Variants in CTNNA2 observed in about 807,000 individuals in gnomAD.
The protein encoded by CTNNA2 is catenin alpha 2, also known as catenin alpha-2.
In CTNNA2, 42 loss-of-function variants were observed where a neutral mutation model predicts 101.0. The ratio of observed to expected loss-of-function variants is 0.42; its 90% CI spans 0.32 to 0.54. The LOEUF is 0.54. CTNNA2 is among the 20% of genes least tolerant of loss of function. CTNNA2 has a pLI of 0.14. For synonymous variants in CTNNA2, 450 were observed against 456.4 expected (o/e 0.99, Z 0.18); for missense variants, 871 against 1,223.1 (o/e 0.71, Z 4.29).
chr2:80,294,688 C>G (rs951160175), intron 7 of CTNNA2, among the ~76,000 whole-genome samples: 2 of 152,044 alleles, frequency 1.3e-5, no homozygotes, highest in Non-Finnish European at 2.9e-5. Context: ...GGCCACACCC[C>G]AGACCAGTTA....
intron 1 of CTNNA2, among the ~76,000 whole-genome samples, chr2:79,572,851 A>G (rs1675545422): frequency 6.6e-6 from 1 of 152,210 alleles, no homozygotes; most frequent in African/African-American, 2.4e-5. Context: ...AAATAGAGTG[A>G]CATTTATTCT....
At chr2:80,351,276 A>G (rs1178768019) in intron 7 of CTNNA2, among the ~76,000 whole-genome samples, 1 of 152,086 alleles carries the variant, frequency 6.6e-6, no homozygotes, top group Non-Finnish European at 1.5e-5. Context: ...GGCTTTTTGA[A>G]CTAGGAAGCA....
intron 2 of CTNNA2, among the ~76,000 whole-genome samples, chr2:79,672,678 A>G (rs1682920023): frequency 6.6e-6 from 1 of 151,778 alleles, no homozygotes; most frequent in African/African-American, 2.4e-5. Context: ...ATTTTTTCCT[A>G]ATATTTTCCG....
intron 9 of CTNNA2, among the ~76,000 whole-genome samples, chr2:80,508,572 T>C (rs997849228): frequency 6.6e-6 from 1 of 151,954 alleles, no homozygotes; most frequent in Non-Finnish European, 1.5e-5. Context: ...ACATATGGAC[T>C]CTCTCTAGTC....
chr2:80,601,421 C>CTTTTTTTTTTTTTTTTTTTTTTTTTTTT (rs56921519), intron 15 of CTNNA2, among the ~76,000 whole-genome samples: 12 of 84,404 alleles, frequency 1.4e-4, no homozygotes, highest in African/African-American at 5.2e-4. Context: ...TTCTTTCTTT[C>CTTTTTTTTTTTTTTTTTTTTTTTTTTTT]TTTTTTTTTT....
At chr2:80,083,961 T>G (rs1699299609) in intron 7 of CTNNA2, among the ~76,000 whole-genome samples, 1 of 151,936 alleles carries the variant, frequency 6.6e-6, no homozygotes, top group Non-Finnish European at 1.5e-5. Flanking sequence ...AGAGAGGTAA[T>G]GTATCTTGAT....
chr2:79,395,185 C>T (rs1191600267), intron 4 of CTNNA2, among the ~76,000 whole-genome samples: 1 of 152,070 alleles, frequency 6.6e-6, no homozygotes, highest in Non-Finnish European at 1.5e-5. Context: ...ACTATTTTGT[C>T]TCTAAGTCAC....
chr2:80,228,384 T>G (rs13404829), intron 7 of CTNNA2, among the ~76,000 whole-genome samples: 1 of 151,924 alleles, frequency 6.6e-6, no homozygotes, highest in South Asian at 2.1e-4. Flanking sequence ...TCAGGCCTCT[T>G]TTACATGGGC....
At chr2:80,009,798 A>G (rs1693645202) in intron 7 of CTNNA2, among the ~76,000 whole-genome samples, 1 of 151,944 alleles carries the variant, frequency 6.6e-6, no homozygotes, top group African/African-American at 2.4e-5. Flanking sequence ...ATACACTCTC[A>G]TCTAAGATTA....
chr2:80,418,740 G>T (rs576125625), intron 8 of CTNNA2, among the ~76,000 whole-genome samples: 1 of 152,082 alleles, frequency 6.6e-6, no homozygotes, highest in Non-Finnish European at 1.5e-5. Flanking sequence ...GAACAAAACA[G>T]CACCAAGGTA....
At chr2:80,566,419 G>T (rs1236770984) in intron 12 of CTNNA2, among the ~76,000 whole-genome samples, 1 of 152,142 alleles carries the variant, frequency 6.6e-6, no homozygotes, top group Non-Finnish European at 1.5e-5. Flanking sequence ...CCTCTCAGAG[G>T]CATCTGTCAC....
chr2:79,923,218 T>C (rs557211356), intron 7 of CTNNA2, among the ~76,000 whole-genome samples: 1 of 152,248 alleles, frequency 6.6e-6, no homozygotes, highest in Admixed American at 6.5e-5. Flanking sequence ...CTTCAGTATC[T>C]AGTTGGAGAC....
Position 79,909,654 on chromosome 2 carries a change from G to T in CTNNA2, c.913G>T (p.Glu305Ter), listed in dbSNP as rs1386017500. 6.2e-7 allele frequency: 1 copy of T among 1,613,592 alleles called. No homozygotes were observed. Among genetic ancestry groups the T allele is most frequent in the Admixed American group, 1.7e-5 (1 of 60,008 alleles). Residue 305 changes from glutamate to a stop codon, truncating the protein, a stop_gained, in exon 7 of 19, where the codon GAG (glutamate) becomes TAG (stop). Coordinates refer to ENST00000402739, the MANE Select transcript of CTNNA2 (RefSeq NM_001282597.3). LOFTEE classifies it high-confidence loss of function. Reference protein sequence around the residue: ...SEARFRPSLEERLESIISGAA... With the variant: ...SEARFRPSLE ...GGCCAGGTTCCGGCCGTCCCTGGAG[G>T]AGAGGCTGGAGAGCATCATCAGCGG...
At chr2:80,037,863 T>C (rs1289263769) in intron 7 of CTNNA2, among the ~76,000 whole-genome samples, 1 of 152,194 alleles carries the variant, frequency 6.6e-6, no homozygotes, top group Non-Finnish European at 1.5e-5. Flanking sequence ...ACCCATGAAG[T>C]CAGAATCGGG....
chr2:80,597,847 A>G (rs561573172), intron 15 of CTNNA2, among the ~76,000 whole-genome samples: 1 of 152,336 alleles, frequency 6.6e-6, no homozygotes, highest in East Asian at 1.9e-4. Context: ...GTGGTGAAAT[A>G]GGAATGTTTT....
chr2:79,898,241 C>T (rs967684681), intron 6 of CTNNA2, among the ~76,000 whole-genome samples: 4 of 152,028 alleles, frequency 2.6e-5, no homozygotes, highest in African/African-American at 9.7e-5. Flanking sequence ...TCAAGTGATT[C>T]TCCTGCCTCA....
At chr2:79,812,478 A>G (rs1486475996) in intron 3 of CTNNA2, among the ~76,000 whole-genome samples, 1 of 152,150 alleles carries the variant, frequency 6.6e-6, no homozygotes, top group African/African-American at 2.4e-5. Flanking sequence ...ATTTGCATCT[A>G]TTGCAATGAT....
chr2:80,290,075 G>T (rs192068780), intron 7 of CTNNA2, among the ~76,000 whole-genome samples: 1 of 152,190 alleles, frequency 6.6e-6, no homozygotes, highest in East Asian at 1.9e-4. Flanking sequence ...TCACTCACAT[G>T]ATCTCATTTG....
At chr2:79,444,896 C>A (rs777204949) in intron 4 of CTNNA2, among the ~76,000 whole-genome samples, 1 of 152,076 alleles carries the variant, frequency 6.6e-6, no homozygotes, top group Non-Finnish European at 1.5e-5. Context: ...GAAGAAATTA[C>A]TCCTTCCTCA....
Sources: allele counts gnomAD v4.1 joint callset (sites outside exome capture counted in the v4.1 genomes callset), GRCh38; gene constraint gnomAD v4.1.1; transcripts MANE v1.5; gene names NCBI Gene and HGNC (gene_info 2026-07-23, HGNC 2026-07-21).